STON1: variants seen among roughly 807,000 people sequenced by gnomAD.
STON1 encodes stonin 1.
STON1 carries 79 observed loss-of-function variants against 60.9 expected under a neutral mutation model. The observed-to-expected ratio is 1.30, with a 90% CI of 1.08 to 1.56. The LOEUF (loss-of-function observed/expected upper bound fraction) is 1.56, where lower values mean the gene tolerates loss of function less well. Ranked by LOEUF, STON1 falls within the 40% of genes most tolerant of loss-of-function variation. The pLI, the probability that STON1 is intolerant of heterozygous loss-of-function variation, is 0.00. For missense variants in STON1, 1,166 were observed against 858.9 expected (o/e 1.36, Z -4.47); for synonymous variants, 363 against 306.9 (o/e 1.18, Z -1.91).
At position 48,596,171 on chromosome 2, in the gene STON1, C is replaced by A. The variant is rs977278351; in HGVS notation, c.*869C>A. The A allele has an allele frequency of 6.6e-6, 1 of 152,202 alleles. No individual in the cohort carries two copies. Among genetic ancestry groups the A allele is most frequent in the African/African-American group, 2.4e-5 (1 of 41,454 alleles). The allele number at this position is 152,202 out of a possible 1,614,324, so 9.4% of individuals were successfully genotyped here. On this transcript the variant is annotated 3_prime_UTR_variant, in exon 4 of 4. Coordinates refer to ENST00000404752, the MANE Select transcript of STON1 (RefSeq NM_006873.4). ...GATAAAGTATTATTTGTAATGAACACAAGCCTCTCTTGAGTAGAAGTCTAA... is the reference window on the plus strand; with the variant it reads ...GATAAAGTATTATTTGTAATGAACAAAAGCCTCTCTTGAGTAGAAGTCTAA...
At chr2:48,573,056 T>C (rs934291559) in intron 1 of STON1, among the ~76,000 whole-genome samples, 1 of 152,252 alleles carries the variant, frequency 6.6e-6, no homozygotes, top group African/African-American at 2.4e-5. Context: ...ACTTTTTGTC[T>C]TGGCTGGTTT....
At chr2:48,534,743 C>T (rs1671355143) in intron 1 of STON1, among the ~76,000 whole-genome samples, 1 of 152,154 alleles carries the variant, frequency 6.6e-6, no homozygotes, top group East Asian at 1.9e-4. Flanking sequence ...TGTCACGCTA[C>T]TGCACTCCAG....
Position 48,580,777 on chromosome 2 carries a change from G to A in STON1, c.144G>A (p.Arg48=), listed in dbSNP as rs147058798. The A allele has an allele frequency of 1.9e-6, 3 of 1,555,776 alleles. No homozygotes were observed. The highest frequency in any genetic ancestry group is 2.0e-5 in the Admixed American group (1 of 50,714). Residue 48 remains arginine (R), a synonymous_variant, in exon 2 of 4, where the codon AGG becomes AGA. Transcript: ENST00000404752. ...TGAAGCTGAACCTTCCTGGCCTCAG[G>A]GAATTTCCCAGTGGATCTTCCTCCA... ...NGLKLNLPGL[R]EFPSGSSSTS... is the part of the protein sequence containing the mutation.
chr2:48,531,566 G>C (rs1038702921), intron 1 of STON1: 6 of 152,260 alleles, frequency 3.9e-5, no homozygotes, highest in Non-Finnish European at 5.9e-5. Flanking sequence ...GACAGATCAA[G>C]TCTGGAGTCT....
intron 1 of STON1, chr2:48,530,927 T>C (rs779983239): frequency 6.6e-6 from 1 of 152,258 alleles, no homozygotes; most frequent in Non-Finnish European, 1.5e-5. Flanking sequence ...CTCCTTAGGA[T>C]TGTACTGCTT....
chr2:48,543,373 A>T (rs1671736893), intron 1 of STON1, among the ~76,000 whole-genome samples: 1 of 152,094 alleles, frequency 6.6e-6, no homozygotes, highest in Admixed American at 6.6e-5. Flanking sequence ...ACCAGCTGTT[A>T]TAGCCCTCCC....
chr2:48,587,243 T>C (rs757127376), intron 2 of STON1, among the ~76,000 whole-genome samples: 4 of 152,226 alleles, frequency 2.6e-5, no homozygotes, highest in Non-Finnish European at 5.9e-5. Context: ...GCTCTGCATA[T>C]GCCTTTGTCT....
At chr2:48,567,712 A>G (rs1375573705) in intron 1 of STON1, among the ~76,000 whole-genome samples, 2 of 152,112 alleles carry the variant, frequency 1.3e-5, no homozygotes, top group African/African-American at 2.4e-5. Context: ...CAGGAATGGT[A>G]TTTTAAATAC....
chr2:48,592,227 C>T (rs1298176491), intron 3 of STON1, among the ~76,000 whole-genome samples: 2 of 152,064 alleles, frequency 1.3e-5, no homozygotes, highest in Non-Finnish European at 2.9e-5. Flanking sequence ...ATGCCGTATA[C>T]TAAATTAATG....
intron 1 of STON1, among the ~76,000 whole-genome samples, chr2:48,533,557 G>A (rs1671300282): frequency 1.3e-5 from 2 of 150,842 alleles, no homozygotes; most frequent in South Asian, 4.2e-4. Flanking sequence ...GGGTGTGGTG[G>A]CAGGCACCTA....
intron 1 of STON1, among the ~76,000 whole-genome samples, chr2:48,544,092 T>G (rs913342143): frequency 7.2e-5 from 11 of 152,340 alleles, no homozygotes; most frequent in African/African-American, 2.6e-4. Context: ...AATCTGTATT[T>G]GGCTCAGAAC....
chr2:48,582,717 G>T (rs1673967065), intron 2 of STON1, among the ~76,000 whole-genome samples, 154 bp downstream of exon 2: 1 of 152,172 alleles, frequency 6.6e-6, no homozygotes, highest in Non-Finnish European at 1.5e-5. Flanking sequence ...TAAACAGCTG[G>T]TTTATTTGTT....
intron 3 of STON1, among the ~76,000 whole-genome samples, chr2:48,594,490 T>C (rs1224279556): frequency 6.6e-6 from 1 of 152,214 alleles, no homozygotes; most frequent in Non-Finnish European, 1.5e-5. Flanking sequence ...CACAGCAGTG[T>C]GAACAGAGAG....
At chr2:48,559,720 C>A (rs1672531102) in intron 1 of STON1, among the ~76,000 whole-genome samples, 1 of 152,180 alleles carries the variant, frequency 6.6e-6, no homozygotes. Context: ...ACTTCTAAGC[C>A]CTTTTCCTAC....
chr2:48,530,229 C>T lies in STON1; in HGVS notation c.-48+13C>T. On this transcript the variant is annotated intron_variant, in intron 1 of 3. Transcript: ENST00000404752. The stretch of plus-strand genomic sequence containing the variant: ...AACCGCGCTGCCGGTGAGTGACCAG[C>T]CCCAGGGGACAGAGACGGGAGGCCT... 1 of 380,928 alleles carries T rather than the reference C, an allele frequency of 2.6e-6. No individual in the cohort carries two copies. Among genetic ancestry groups the T allele is most frequent in the Non-Finnish European group, 5.1e-6 (1 of 197,908 alleles). 23.6% of individuals were successfully genotyped at this position (380,928 alleles called of 1,614,324 possible). A position where few individuals can be genotyped will look rare whatever the true frequency, so the allele number is the denominator to read the frequency against.
rs192041043 is a variant in STON1 at position 48,538,522 on chromosome 2, T to C, written c.-48+8306T>C. Among the ~76,000 whole-genome samples, 723 of 151,002 alleles carry C rather than the reference T, an allele frequency of 4.8e-3. 2 individuals carry two copies. The highest frequency in any genetic ancestry group is 7.8e-3 in the Non-Finnish European group (522 of 67,330). The stretch of plus-strand genomic sequence containing the variant: ...TATTCGTAATTTTCTCTTAGGGTTT[T>C]ATAAATATTGCCTCTATCTTTTTTG... On this transcript the variant is annotated intron_variant, in intron 1 of 3. Transcript: ENST00000404752.
At chr2:48,530,942 T>G (rs1259596562) in intron 1 of STON1, 2 of 152,232 alleles carry the variant, frequency 1.3e-5, no homozygotes, top group Non-Finnish European at 2.9e-5. Flanking sequence ...CTGCTTCTGT[T>G]GGTTTGGCAT....
chr2:48,557,307 C>T (rs984394242), intron 1 of STON1, among the ~76,000 whole-genome samples: 1 of 83,960 alleles, frequency 1.2e-5, no homozygotes, highest in Non-Finnish European at 2.5e-5. Context: ...GGGTCTCGGC[C>T]GGGCAGAGGC....
At chr2:48,551,882 G>A (rs1397012574) in intron 1 of STON1, among the ~76,000 whole-genome samples, 1 of 152,222 alleles carries the variant, frequency 6.6e-6, no homozygotes, top group Non-Finnish European at 1.5e-5. Flanking sequence ...GAGACACCCA[G>A]CCCACTGTGA....
Sources: allele counts gnomAD v4.1 joint callset (sites outside exome capture counted in the v4.1 genomes callset), GRCh38; gene constraint gnomAD v4.1.1; transcripts MANE v1.5; gene names NCBI Gene and HGNC (gene_info 2026-07-23, HGNC 2026-07-21).